The following COL27A1 variants were observed in gnomAD, a reference collection of about 807,000 sequenced individuals.
The protein encoded by COL27A1 is collagen alpha-1(XXVII) chain.
In COL27A1, 106 loss-of-function variants were observed where a neutral mutation model predicts 251.3. The observed-to-expected ratio is 0.42, with a 90% confidence interval of 0.36 to 0.50. The LOEUF is 0.50. Ranked by LOEUF, COL27A1 falls within the 20% of genes least tolerant of loss-of-function variation. COL27A1 has a pLI of 0.00. For missense variants in COL27A1, 2,325 were observed against 2,522.8 expected (o/e 0.92, Z 1.68); for synonymous variants, 1,000 against 986.3 (o/e 1.01, Z -0.26).
intron 28 of COL27A1, among the ~76,000 whole-genome samples, chr9:114,261,306 A>G (rs1834316704): frequency 6.6e-6 from 1 of 151,788 alleles, no homozygotes; most frequent in South Asian, 2.1e-4. Flanking sequence ...TTCCTCGAGG[A>G]GCGGATACAA....
chr9:114,224,648 C>CTTTTTTTT (rs5900075), intron 14 of COL27A1, among the ~76,000 whole-genome samples: 7 of 97,330 alleles, frequency 7.2e-5, no homozygotes, highest in East Asian at 3.0e-4. Flanking sequence ...CCTCCTGGTT[C>CTTTTTTTT]TTTTTTTTTT....
intron 7 of COL27A1, among the ~76,000 whole-genome samples, chr9:114,202,878 A>G (rs1036318002): frequency 1.3e-5 from 2 of 151,886 alleles, no homozygotes; most frequent in Admixed American, 6.6e-5. Flanking sequence ...CTGTAACTTT[A>G]CTTCCTTTTC....
chr9:114,281,078 A>T (rs144499471), intron 37 of COL27A1, among the ~76,000 whole-genome samples: 1 of 152,330 alleles, frequency 6.6e-6, no homozygotes, highest in African/African-American at 2.4e-5. Context: ...ACCTATTCCC[A>T]AATGGGACAT....
chr9:114,301,053 G>A lies in COL27A1; in HGVS notation c.4702-19G>A. On this transcript the variant is annotated intron_variant, in intron 51 of 60. Coordinates refer to ENST00000356083, the MANE Select transcript of COL27A1 (RefSeq NM_032888.4). ...CAGGCCCTGGAACAAGGACACATGAGCCTTTCTGTCTCCTTTAGGGAAAGG... is the reference window on the plus strand; with the variant it reads ...CAGGCCCTGGAACAAGGACACATGAACCTTTCTGTCTCCTTTAGGGAAAGG... The A allele has an allele frequency of 3.8e-6, 6 of 1,593,496 alleles. No individual in the cohort carries two copies. Among genetic ancestry groups the A allele is most frequent in the Non-Finnish European group, 5.1e-6 (6 of 1,169,940 alleles).
chr9:114,235,504 C>A, intron 16 of COL27A1, 95 bp from the exon 17 acceptor site: 1 of 942,902 alleles, frequency 1.1e-6, no homozygotes, highest in Non-Finnish European at 1.8e-6. Flanking sequence ...GGGAAACAGC[C>A]TCGGCACAGC....
chr9:114,281,408 C>CCAGGG (rs141141073), intron 37 of COL27A1, among the ~76,000 whole-genome samples: 1 of 152,234 alleles, frequency 6.6e-6, no homozygotes. Flanking sequence ...ATTTGCCCTC[C>CCAGGG]CAGGGCAGGG....
chr9:114,272,900 A>C (rs1835238687), intron 36 of COL27A1: 1 of 151,460 alleles, frequency 6.6e-6, no homozygotes, highest in African/African-American at 2.4e-5. Context: ...TTCACACAGC[A>C]CTGACTCACT....
chr9:114,307,478 T>C, intron 58 of COL27A1, 191 bp from the exon 59 acceptor site: 1 of 582,826 alleles, frequency 1.7e-6, no homozygotes, highest in Admixed American at 3.1e-5. Flanking sequence ...CTGGGGGCTC[T>C]GCCAGTTGTG....
At chr9:114,201,789 A>G (rs972733266) in intron 7 of COL27A1, among the ~76,000 whole-genome samples, 1 of 152,160 alleles carries the variant, frequency 6.6e-6, no homozygotes, top group Non-Finnish European at 1.5e-5. Flanking sequence ...AATGATGTGA[A>G]GCTTTCATCC....
At chr9:114,278,765 G>C (rs1588857862) in intron 37 of COL27A1, among the ~76,000 whole-genome samples, 2 of 152,012 alleles carry the variant, frequency 1.3e-5, no homozygotes, top group South Asian at 4.2e-4. Context: ...TGGGCCAGAC[G>C]AAGTGTGTGC....
chr9:114,248,519 GCCT>G (rs1480029155), intron 24 of COL27A1, among the ~76,000 whole-genome samples: 3 of 152,326 alleles, frequency 2.0e-5, no homozygotes, highest in African/African-American at 7.2e-5. Flanking sequence ...TAACAATGCT[GCCT>G]CCTCCCATGC....
intron 3 of COL27A1, among the ~76,000 whole-genome samples, chr9:114,175,148 C>T (rs572455906): frequency 5.4e-4 from 51 of 95,176 alleles, no homozygotes; most frequent in African/African-American, 2.1e-3. Flanking sequence ...GGGGAAGCCC[C>T]GAGGGGTCTG....
intron 14 of COL27A1, among the ~76,000 whole-genome samples, chr9:114,226,568 A>C (rs1831484075): frequency 2.6e-5 from 4 of 152,226 alleles, no homozygotes; most frequent in Admixed American, 2.6e-4. Context: ...ATGTGACAGC[A>C]TGGACTGGGC....
At chr9:114,190,063 G>T (rs1348451482) in intron 5 of COL27A1, among the ~76,000 whole-genome samples, 1 of 152,196 alleles carries the variant, frequency 6.6e-6, no homozygotes. Context: ...ATAGTGAGAG[G>T]CCTAGTGAAA....
chr9:114,255,785 G>A (rs906557975), intron 27 of COL27A1, among the ~76,000 whole-genome samples: 10 of 152,206 alleles, frequency 6.6e-5, no homozygotes, highest in Admixed American at 5.2e-4. Context: ...CAGCGACACT[G>A]GGGAAGCCGG....
chr9:114,264,258 G>A, intron 28 of COL27A1, 97 bp from the exon 29 acceptor site: 2 of 936,454 alleles, frequency 2.1e-6, no homozygotes, highest in Non-Finnish European at 3.1e-6. Flanking sequence ...GCTTGTGCAG[G>A]GGAAGGCCCC....
At position 114,289,888 on chromosome 9, in the gene COL27A1, G is replaced by T. The variant is rs78880117; in HGVS notation, c.4207-170G>T. 9.5e-3 allele frequency among the ~76,000 whole-genome samples: 1,445 copies of T among 152,290 alleles called. 24 individuals are homozygous for T. Among genetic ancestry groups the T allele is most frequent in the African/African-American group, 0.033 (1,384 of 41,550 alleles). On this transcript the variant is annotated intron_variant, in intron 45 of 60. Coordinates refer to ENST00000356083, the MANE Select transcript of COL27A1 (RefSeq NM_032888.4). The stretch of plus-strand genomic sequence containing the variant: ...GCAGGCTCAGTGACAGCCCCAGGAG[G>T]TTCCAAGGCCAGCTCTGGCCCCAGG...
intron 49 of COL27A1, among the ~76,000 whole-genome samples, chr9:114,297,626 A>G (rs1008266057): frequency 6.6e-6 from 1 of 152,214 alleles, no homozygotes; most frequent in Non-Finnish European, 1.5e-5. Flanking sequence ...GAAATCCAAC[A>G]CCCTTTCGTG....
chr9:114,301,522 C>A, intron 54 of COL27A1, 60 bp downstream of exon 54: 1 of 1,578,402 alleles, frequency 6.3e-7, no homozygotes, highest in South Asian at 1.1e-5. Flanking sequence ...CCTGCATTCT[C>A]CTCCCGGTGG....
Sources: gnomAD v4.1 joint callset for allele counts (sites outside exome capture counted in the v4.1 genomes callset) on GRCh38, gnomAD v4.1.1 for gene constraint, MANE v1.5 for transcripts, NCBI Gene and HGNC (gene_info 2026-07-23, HGNC 2026-07-21) for gene names.